ZNF358: variants seen among roughly 807,000 people sequenced by gnomAD.
ZNF358 encodes zinc finger protein 358.
Under a neutral mutation model 2.1 loss-of-function variants are expected in ZNF358, and 1 was observed. That is an observed-to-expected ratio of 0.49 (90% confidence interval 0.17 to 2.30). The LOEUF (loss-of-function observed/expected upper bound fraction) is 2.30, where lower values mean the gene tolerates loss of function less well. Ranked by LOEUF, ZNF358 falls within the 30% of genes most tolerant of loss-of-function variation. The probability of loss-of-function intolerance (pLI) is 0.26; values close to 1 mark genes in which losing one functional copy is unlikely to be tolerated. For synonymous variants in ZNF358, 381 were observed against 359.7 expected (o/e 1.06, Z -0.67); for missense variants, 665 against 806.8 (o/e 0.82, Z 2.13).
upstream of ZNF358, among the ~76,000 whole-genome samples, chr19:7,514,757 C>T (rs562072546): frequency 8.5e-5 from 13 of 152,240 alleles, no homozygotes; most frequent in African/African-American, 3.1e-4. Flanking sequence ...CTCAGCCTCC[C>T]GAGTAGCTGG....
At chr19:7,514,768 G>A (rs926752724), upstream of ZNF358, among the ~76,000 whole-genome samples, 16 of 152,184 alleles carry the variant, frequency 1.1e-4, no homozygotes, top group Non-Finnish European at 1.5e-5. Flanking sequence ...GAGTAGCTGG[G>A]ATTACAGGTG....
chr19:7,514,411 G>A (rs1182115863), upstream of ZNF358, among the ~76,000 whole-genome samples: 6 of 152,210 alleles, frequency 3.9e-5, no homozygotes, highest in Non-Finnish European at 8.8e-5. Flanking sequence ...GGAAGTGTCA[G>A]GATAAGGAAC....
rs754799480 is a variant in ZNF358, at chr19:7,519,389, C to T, written c.147C>T (p.Asp49=). The T allele has an allele frequency of 1.9e-6, 3 of 1,614,112 alleles. No individual in the cohort carries two copies. In the South Asian group the frequency reaches 3.3e-5, roughly 18 times the overall value. The stretch of plus-strand genomic sequence containing the variant: ...AAGACCCAGAGCCTGATCCTGAAGA[C>T]CTCAACACTGTCCCGGAAGACGTGG... ...VSEDPEPDPE[D]LNTVPEDVDP... The change falls in exon 2 of 2, where the codon GAC becomes GAT. Residue 49 remains aspartate (D), a synonymous_variant. Transcript: ENST00000597229.
chr19:7,519,430 A>T lies in ZNF358; in HGVS notation c.188A>T (p.Asp63Val), dbSNP rs368029064. 6.2e-6 allele frequency: 10 copies of T among 1,613,780 alleles called. No individual in the cohort carries two copies. The African/African-American group carries it at 1.3e-4, about 22-fold the overall frequency. ...VPEDVDPSYE[D>V]LEPVSEDLDP... ...GAAGACGTGGACCCCAGCTATGAAG[A>T]TCTGGAGCCCGTCTCGGAGGATCTG... Residue 63 changes from aspartate to valine, a missense_variant, in exon 2 of 2, where the codon GAT (aspartate) becomes GTT (valine). This residue lies in a region of ZNF358 where 206 missense variants were observed against 228.4 expected (regional missense o/e 0.90). Transcript: ENST00000597229.
Position 7,520,296 on chromosome 19 carries a change from T to C in ZNF358, c.1054T>C (p.Cys352Arg). 6.2e-7 allele frequency: 1 copy of C among 1,611,132 alleles called. No homozygotes were observed. Among genetic ancestry groups the C allele is most frequent in the South Asian group, 1.1e-5 (1 of 91,048 alleles). The change falls in exon 2 of 2, where the codon TGC becomes CGC. Residue 352 changes from cysteine to arginine, a missense_variant. By Grantham distance (180) the Cys-to-Arg change is radical. This residue lies in a region of ZNF358 where 210 missense variants were observed against 350.8 expected (regional missense o/e 0.60). Coordinates refer to ENST00000597229, the MANE Select transcript of ZNF358 (RefSeq NM_018083.5). The surrounding 1 kb of genome is among the most constrained non-coding windows in gnomAD (Gnocchi z 6.0). The stretch of plus-strand genomic sequence containing the variant: ...CGAGCGGCCCTACGCCTGCCCGCAC[T>C]GCTCCAAGGCCTTCGGCCAGAGCTC... Reference protein sequence around the residue: ...TGERPYACPHCSKAFGQSSAL... With the variant: ...TGERPYACPHRSKAFGQSSAL...
Position 7,520,868 on chromosome 19 carries a change from C to G in ZNF358, c.1626C>G (p.Gly542=). Residue 542 remains glycine, a synonymous_variant, in exon 2 of 2, where the codon GGC becomes GGG. Transcript: ENST00000597229. The surrounding 1 kb of genome is among the most constrained non-coding windows in gnomAD (Gnocchi z 6.0). Reference sequence around the variant, plus strand: ...CTGACCCCTGTTCTCCCACTCGTGGCACTGTCAGCCCAGCCCTCCCTACCG... The same window carrying G: ...CTGACCCCTGTTCTCCCACTCGTGGGACTGTCAGCCCAGCCCTCCCTACCG... ...SCPDPCSPTR[G]TVSPALPTGE... is the part of the protein sequence containing the mutation. 1.2e-6 allele frequency: 2 copies of G among 1,614,134 alleles called. No individual in the cohort carries two copies. Among genetic ancestry groups the G allele is most frequent in the Non-Finnish European group, 1.7e-6 (2 of 1,180,020 alleles).
At position 7,520,168 on chromosome 19, in the gene ZNF358, A is replaced by G; in HGVS notation, c.926A>G (p.His309Arg). 1 of 1,601,738 alleles carries G rather than the reference A, an allele frequency of 6.2e-7. No homozygotes were observed. The highest frequency in any genetic ancestry group is 8.5e-7 in the Non-Finnish European group (1 of 1,179,010). ...GGGCAGAGCTCGGCGCTGCTGCAGC[A>G]CCAGCGCACACACACGGCCGAGCGC... ...AFGQSSALLQ[H>R]QRTHTAERPY... The change falls in exon 2 of 2, where the codon CAC becomes CGC. Residue 309 changes from histidine to arginine, a missense_variant. By Grantham distance (29) the His-to-Arg change is conservative (BLOSUM62 0). This residue lies in a region of ZNF358 where 210 missense variants were observed against 350.8 expected (regional missense o/e 0.60). Transcript: ENST00000597229. The surrounding 1 kb of genome is among the most constrained non-coding windows in gnomAD (Gnocchi z 6.0).
At chr19:7,518,599 G>GAAAGAAAGAAAT (rs1239214321) in intron 1 of ZNF358, among the ~76,000 whole-genome samples, 3 of 94,928 alleles carry the variant, frequency 3.2e-5, no homozygotes, top group Non-Finnish European at 8.7e-5. Flanking sequence ...AAGAAAGAAA[G>GAAAGAAAGAAAT]AATTGAAGTT....
At chr19:7,518,113 G>A (rs2022370364) in intron 1 of ZNF358, among the ~76,000 whole-genome samples, 1 of 152,218 alleles carries the variant, frequency 6.6e-6, no homozygotes, top group South Asian at 2.1e-4. Flanking sequence ...AGGAGCCCAG[G>A]TTGGAGAGAG....
upstream of ZNF358, among the ~76,000 whole-genome samples, chr19:7,515,591 A>G (rs1345611874): frequency 2.6e-5 from 4 of 152,246 alleles, no homozygotes; most frequent in Admixed American, 2.6e-4. Context: ...GTGCGCTGCA[A>G]GTCTCCAAGA....
At chr19:7,519,115 TC>T in intron 1 of ZNF358, 89 bp from the exon 2 acceptor site, 1 of 1,245,710 alleles carries the variant, frequency 8.0e-7, no homozygotes, top group African/African-American at 1.6e-5. Flanking sequence ...CACAATCGGG[TC>T]CCGTCTCTCA....
chr19:7,519,890 C>T lies in ZNF358; in HGVS notation c.648C>T (p.Phe216=), dbSNP rs1349521808. The T allele has an allele frequency of 3.3e-6, 5 of 1,530,066 alleles. No individual in the cohort carries two copies. The highest frequency in any genetic ancestry group is 1.2e-5 in the South Asian group (1 of 83,650). 94.8% of individuals were successfully genotyped at this position (1,530,066 alleles called of 1,614,324 possible). Residue 216 remains phenylalanine, a synonymous_variant, in exon 2 of 2, where the codon TTC becomes TTT. Transcript: ENST00000597229. ...AGTGCGCGGCCTGCGGCAAGGCCTT[C>T]GGCTGGCGCTCCACGCTGCTGAAAC... is the stretch of plus-strand genomic sequence containing the variant. ...PYQCAACGKA[F]GWRSTLLKHR...
In ZNF358 at chr19:7,519,977, G is replaced by C; in HGVS notation, c.735G>C (p.Gly245=). The C allele has an allele frequency of 1.3e-6, 2 of 1,518,292 alleles. No homozygotes were observed. Among genetic ancestry groups the C allele is most frequent in the East Asian group, 2.5e-5 (1 of 40,410 alleles). The allele number at this position is 1,518,292 out of a possible 1,614,324, so 94.1% of individuals were successfully genotyped here. A position where few individuals can be genotyped will look rare whatever the true frequency, so the allele number is the denominator to read the frequency against. Residue 245 remains glycine, a synonymous_variant, in exon 2 of 2, where the codon GGG becomes GGC. Coordinates refer to ENST00000597229, the MANE Select transcript of ZNF358 (RefSeq NM_018083.5). ...GCCCGGTGTGTGGCAAGGCCTTCGG[G>C]CACGGCTCGCTCCTGGCACAGCACC... ...HHCPVCGKAF[G]HGSLLAQHLR...
At chr19:7,514,921 G>A (rs533282634), upstream of ZNF358, among the ~76,000 whole-genome samples, 2 of 152,244 alleles carry the variant, frequency 1.3e-5, no homozygotes, top group Admixed American at 1.3e-4. Context: ...ATGAGCTACC[G>A]CACCCAGCCT....
rs913079708 is a variant in ZNF358, at chr19:7,516,473, G to A, written c.-39+224G>A. ...CGCACCCATCCCGCCGCTGGGGCCC[G>A]GGGGGAAAGGGCCAGGAGGTTGGGA... On this transcript the variant is annotated intron_variant, in intron 1 of 1. Transcript: ENST00000597229. The surrounding 1 kb of genome is among the most constrained non-coding windows in gnomAD (Gnocchi z 5.9). Among the ~76,000 whole-genome samples the A allele has an allele frequency of 6.6e-6, 1 of 151,768 alleles. No homozygotes were observed. The highest frequency in any genetic ancestry group is 1.5e-5 in the Non-Finnish European group (1 of 67,860).
upstream of ZNF358, among the ~76,000 whole-genome samples, chr19:7,515,663 C>CAG (rs146799951): frequency 5.3e-5 from 8 of 151,404 alleles, no homozygotes; most frequent in South Asian, 2.1e-4. Context: ...GAGGCAGAGA[C>CAG]AGAGAGAGAG....
In ZNF358 at chr19:7,519,271, C is replaced by G. The variant is rs372789030; in HGVS notation, c.29C>G (p.Pro10Arg). MRRSVLVRNPGHKGLRPVYE... is the reference protein window; with the variant it reads MRRSVLVRNRGHKGLRPVYE... ...CGGCGCTCAGTCCTGGTCAGGAACC[C>G]AGGCCACAAAGGCCTGAGACCCGTT... The change falls in exon 2 of 2, where the codon CCA becomes CGA. Residue 10 changes from proline to arginine, a missense_variant. By Grantham distance (103) the Pro-to-Arg change is moderately radical. Transcript: ENST00000597229. 3.1e-6 allele frequency: 5 copies of G among 1,613,944 alleles called. No individual in the cohort carries two copies. Among genetic ancestry groups the G allele is most frequent in the Non-Finnish European group, 3.4e-6 (4 of 1,179,988 alleles).
chr19:7,520,888 C>G lies in ZNF358; in HGVS notation c.1646C>G (p.Pro549Arg). ...CGTGGCACTGTCAGCCCAGCCCTCC[C>G]TACCGGCGAGAGTCCAGAGTGGGTA... ...PTRGTVSPAL[P>R]TGESPEWVQE... Residue 549 changes from proline (P) to arginine (R), a missense_variant, in exon 2 of 2, where the codon CCT becomes CGT. Transcript: ENST00000597229. The surrounding 1 kb of genome is among the most constrained non-coding windows in gnomAD (Gnocchi z 6.0). The G allele has an allele frequency of 1.2e-6, 2 of 1,614,128 alleles. No individual in the cohort carries two copies. The highest frequency in any genetic ancestry group is 8.5e-7 in the Non-Finnish European group (1 of 1,180,030).
rs1222263659 is a variant in ZNF358 at position 7,520,722 on chromosome 19, T to G, written c.1480T>G (p.Ser494Ala). The G allele has an allele frequency of 6.2e-7, 1 of 1,613,838 alleles. No homozygotes were observed. The highest frequency in any genetic ancestry group is 8.5e-7 in the Non-Finnish European group (1 of 1,179,962). Residue 494 changes from serine to alanine, a missense_variant, in exon 2 of 2, where the codon TCT becomes GCT. This residue lies in a region of ZNF358 where 249 missense variants were observed against 227.6 expected (regional missense o/e 1.09). Transcript: ENST00000597229. This position sits in a 1 kb window ranked among gnomAD's most constrained non-coding sequence, Gnocchi z 6.0. ...STPSPTPVES[S>A]DPKAGHDAGP... The stretch of plus-strand genomic sequence containing the variant: ...CCCCAGCCCTACTCCTGTGGAATCT[T>G]CTGACCCAAAGGCTGGGCACGACGC...
Sources: allele counts gnomAD v4.1 joint callset (sites outside exome capture counted in the v4.1 genomes callset), GRCh38; gene constraint gnomAD v4.1.1; regional missense constraint gnomAD v4.1.1; non-coding constraint Gnocchi (gnomAD v3.1); transcripts MANE v1.5; gene names NCBI Gene and HGNC (gene_info 2026-07-23, HGNC 2026-07-21).